Variants in WDR36 observed in about 807,000 individuals in gnomAD.
WDR36 encodes WD repeat domain 36, also known as WD repeat-containing protein 36.
A neutral mutation model predicts 112.7 loss-of-function variants in WDR36; 63 were observed. That is an observed-to-expected ratio of 0.56 (90% CI 0.46 to 0.69). The LOEUF is 0.69. Ranked by LOEUF, WDR36 falls within the 30% of genes least tolerant of loss-of-function variation. The probability of loss-of-function intolerance (pLI) is 0.00; values close to 1 mark genes in which losing one functional copy is unlikely to be tolerated. For synonymous variants in WDR36, 410 were observed against 362.2 expected (o/e 1.13, Z -1.50); for missense variants, 1,226 against 1,070.3 (o/e 1.15, Z -2.03).
At chr5:111,104,501 G>C in intron 8 of WDR36, 149 bp downstream of exon 8, 1 of 1,383,914 alleles carries the variant, frequency 7.2e-7, no homozygotes, top group Middle Eastern at 1.8e-4. Flanking sequence ...AAGCACAGCA[G>C]GTGACATGAT....
At position 111,124,330 on chromosome 5, in the gene WDR36, C is replaced by T. The variant is rs142288630; in HGVS notation, c.2350+141C>T. 1.6e-3 allele frequency: 1,102 copies of T among 684,044 alleles called. 6 individuals carry two copies. In the African/African-American group the frequency reaches 0.018, roughly 11 times the overall value. The allele number at this position is 684,044 out of a possible 1,614,324, so 42.4% of individuals were successfully genotyped here. A position where few individuals can be genotyped will look rare whatever the true frequency, so the allele number is the denominator to read the frequency against. On this transcript the variant is annotated intron_variant, in intron 21 of 22. Transcript: ENST00000513710. Reference sequence around the variant, plus strand: ...GATTGAAATTTTGGTTTTAATTTGACGTAATTTTAGCATTTATATTAAATA... The same window carrying T: ...GATTGAAATTTTGGTTTTAATTTGATGTAATTTTAGCATTTATATTAAATA...
chr5:111,092,513 C>G lies in WDR36; in HGVS notation c.57C>G (p.Ala19=). 1.2e-6 allele frequency: 2 copies of G among 1,614,232 alleles called. No homozygotes were observed. The highest frequency in any genetic ancestry group is 8.5e-7 in the Non-Finnish European group (1 of 1,180,042). Residue 19 remains alanine (A), a synonymous_variant, in exon 1 of 23, where the codon GCC becomes GCG. Transcript: ENST00000513710. ...GCGCGCTTTTTGCGGGGTTCCGGGC[C>G]TTGGGACTTTTCAGCAACGACATTC... ...TASALFAGFR[A]LGLFSNDIPH...
intron 4 of WDR36, 103 bp from the exon 5 acceptor site, chr5:111,100,486 T>C: frequency 2.2e-5 from 17 of 763,938 alleles, no homozygotes; most frequent in Non-Finnish European, 3.1e-5. Flanking sequence ...TTTTAACATA[T>C]AAATCTTTGA....
intron 15 of WDR36, 197 bp downstream of exon 15, chr5:111,111,475 A>G: frequency 3.7e-6 from 2 of 534,272 alleles, no homozygotes; most frequent in Non-Finnish European, 6.7e-6. Context: ...AAATTAAAGT[A>G]TAAGTTTTAG....
At chr5:111,100,456 G>T (rs1753100715) in intron 4 of WDR36, 133 bp from the exon 5 acceptor site, 2 of 550,964 alleles carry the variant, frequency 3.6e-6, no homozygotes, top group Non-Finnish European at 6.2e-6. Context: ...TTATAGATTA[G>T]TATCTAAGTC....
Position 111,121,021 on chromosome 5 carries a change from A to G in WDR36, c.2028A>G (p.Val676=), listed in dbSNP as rs770095903. 1 of 1,613,498 alleles carries G rather than the reference A, an allele frequency of 6.2e-7. No individual in the cohort carries two copies. Among genetic ancestry groups the G allele is most frequent in the South Asian group, 1.1e-5 (1 of 91,034 alleles). The change falls in exon 19 of 23, where the codon GTA becomes GTG. Residue 676 remains valine, a synonymous_variant. Coordinates refer to ENST00000513710, the MANE Select transcript of WDR36 (RefSeq NM_139281.3). Reference sequence around the variant, plus strand: ...ATGTAGAAGTATCAGAAGAAACAGTAGAACCAAGTGATGAATTGATAGAAT... The same window carrying G: ...ATGTAGAAGTATCAGAAGAAACAGTGGAACCAAGTGATGAATTGATAGAAT... ...TQDVEVSEET[V]EPSDELIEYD... is the part of the protein sequence containing the mutation.
intron 20 of WDR36, 60 bp downstream of exon 20, chr5:111,123,984 ACTT>A: frequency 6.2e-7 from 1 of 1,610,012 alleles, no homozygotes; most frequent in South Asian, 1.1e-5. Flanking sequence ...TGTTTTCTGC[ACTT>A]CTTTACCAAG....
chr5:111,104,396 C>T, intron 8 of WDR36, 44 bp downstream of exon 8: 4 of 1,608,896 alleles, frequency 2.5e-6, no homozygotes, highest in Non-Finnish European at 3.4e-6. Flanking sequence ...ATCTAACTTA[C>T]CCTTTGGGTT....
chr5:111,106,044 C>T lies in WDR36; in HGVS notation c.1094-13C>T. On this transcript the variant is annotated splice_polypyrimidine_tract_variant and intron_variant, in intron 10 of 22. Coordinates refer to ENST00000513710, the MANE Select transcript of WDR36 (RefSeq NM_139281.3). Reference sequence around the variant, plus strand: ...TTCATAGCTATGTATGTTCCCCTTTCCCCCATCCTTAGGATTAATAAATAA... The same window carrying T: ...TTCATAGCTATGTATGTTCCCCTTTTCCCCATCCTTAGGATTAATAAATAA... The T allele has an allele frequency of 1.9e-6, 3 of 1,591,664 alleles. No individual in the cohort carries two copies. The highest frequency in any genetic ancestry group is 2.6e-6 in the Non-Finnish European group (3 of 1,160,718).
chr5:111,099,441 GTTTTTTTTTGT>G (rs1753066978), intron 4 of WDR36, among the ~76,000 whole-genome samples: 1 of 98,204 alleles, frequency 1.0e-5, no homozygotes, highest in African/African-American at 4.2e-5. Flanking sequence ...TTGCCTCTTG[GTTTTTTTTTGT>G]TTTTTTTTTT....
chr5:111,106,217 CTGTTTTAATAAA>C, intron 11 of WDR36, 74 bp downstream of exon 11: 1 of 1,315,088 alleles, frequency 7.6e-7, no homozygotes, highest in Non-Finnish European at 1.1e-6. Flanking sequence ...GTTTTATTTT[CTGTTTTAATAAA>C]TGCTTTTACA....
At chr5:111,113,367 C>G (rs1295600923) in intron 16 of WDR36, among the ~76,000 whole-genome samples, 1 of 152,012 alleles carries the variant, frequency 6.6e-6, no homozygotes, top group Non-Finnish European at 1.5e-5. Flanking sequence ...AATGAAATCT[C>G]TCTTAGGTTT....
At chr5:111,118,423 T>G (rs1753498992) in intron 16 of WDR36, among the ~76,000 whole-genome samples, 1 of 152,194 alleles carries the variant, frequency 6.6e-6, no homozygotes, top group African/African-American at 2.4e-5. Flanking sequence ...CTTCAGCAGT[T>G]TAAAGCTATG....
At chr5:111,105,242 T>C in intron 9 of WDR36, 53 bp from the exon 10 acceptor site, 5 of 1,531,148 alleles carry the variant, frequency 3.3e-6, no homozygotes, top group South Asian at 2.2e-5. Flanking sequence ...GTGATTCACA[T>C]AGTCCCTTGT....
At chr5:111,125,858 G>A in intron 22 of WDR36, 63 bp downstream of exon 22, 1 of 1,582,742 alleles carries the variant, frequency 6.3e-7, no homozygotes, top group South Asian at 1.1e-5. Flanking sequence ...CTATCTAACA[G>A]AACTTTCTGC....
At chr5:111,122,980 G>A (rs115580882) in intron 19 of WDR36, among the ~76,000 whole-genome samples, 1,546 of 152,152 alleles carry the variant, frequency 0.01, 24 homozygotes, top group African/African-American at 0.036. Flanking sequence ...CATGTTGTAC[G>A]TGCCTGTAAT....
At chr5:111,118,819 A>G (rs1753507311) in intron 16 of WDR36, among the ~76,000 whole-genome samples, 194 bp from the exon 17 acceptor site, 1 of 152,104 alleles carries the variant, frequency 6.6e-6, no homozygotes, top group African/African-American at 2.4e-5. Flanking sequence ...TCATTAAGTG[A>G]GATTATTTTC....
At chr5:111,125,519 A>G (rs1400337536) in intron 21 of WDR36, 89 bp from the exon 22 acceptor site, 1 of 1,304,472 alleles carries the variant, frequency 7.7e-7, no homozygotes, top group Non-Finnish European at 1.1e-6. Context: ...CCATTTAAAT[A>G]TATCCTATTT....
At position 111,111,464 on chromosome 5, in the gene WDR36, C is replaced by T. The variant is rs917049743; in HGVS notation, c.1716+186C>T. On this transcript the variant is annotated intron_variant, in intron 15 of 22. Coordinates refer to ENST00000513710, the MANE Select transcript of WDR36 (RefSeq NM_139281.3). The stretch of plus-strand genomic sequence containing the variant: ...ATATTTTTCAGGGAGTTGATGCGAT[C>T]AAATTAAAGTATAAGTTTTAGAACT... 8 of 556,734 alleles carry T rather than the reference C, an allele frequency of 1.4e-5. No homozygotes were observed. The Admixed American group carries it at 2.1e-4, about 15-fold the overall frequency. The allele number at this position is 556,734 out of a possible 1,614,324, so 34.5% of individuals were successfully genotyped here. A position where few individuals can be genotyped will look rare whatever the true frequency, so the allele number is the denominator to read the frequency against.
Sources: allele counts gnomAD v4.1 joint callset (sites outside exome capture counted in the v4.1 genomes callset), GRCh38; gene constraint gnomAD v4.1.1; transcripts MANE v1.5; gene names NCBI Gene and HGNC (gene_info 2026-07-23, HGNC 2026-07-21).